TENM3: variants seen among roughly 807,000 people sequenced by gnomAD.
TENM3 encodes the protein teneurin-3.
A neutral mutation model predicts 255.1 loss-of-function variants in TENM3; 63 were observed. The observed-to-expected ratio is 0.25, with a 90% confidence interval of 0.20 to 0.30. The LOEUF is 0.30. TENM3 is among the 10% of genes least tolerant of loss of function. The pLI, the probability that TENM3 is intolerant of heterozygous loss-of-function variation, is 1.00. For synonymous variants in TENM3, 1,306 were observed against 1,322.3 expected, an observed-to-expected ratio of 0.99 and a Z score of 0.27; for missense variants, 2,929 against 3,461.1, an observed-to-expected ratio of 0.85 and a Z score of 3.86.
rs931813841 is a variant in TENM3 at position 182,656,714 on chromosome 4, T to C, written c.1111+2821T>C. ...ATTATTTCACAGCTTCTAAATGTAATACTCTTACTTGTGCAGTCCTATTTT... is the reference window on the plus strand; with the variant it reads ...ATTATTTCACAGCTTCTAAATGTAACACTCTTACTTGTGCAGTCCTATTTT... On this transcript the variant is annotated intron_variant, in intron 6 of 27. Coordinates refer to ENST00000511685, the MANE Select transcript of TENM3 (RefSeq NM_001080477.4). 2.6e-5 allele frequency among the ~76,000 whole-genome samples: 4 copies of C among 152,230 alleles called. No individual in the cohort carries two copies. In the South Asian group the frequency reaches 6.2e-4, roughly 24 times the overall value.
At chr4:181,853,958 A>T in the TENM3 span, among the ~76,000 whole-genome samples, 2 of 152,228 alleles carry the variant, frequency 1.3e-5, no homozygotes, top group African/African-American at 4.8e-5. Context: ...CAAACCTAGC[A>T]GGATTTTTTA....
the TENM3 span, among the ~76,000 whole-genome samples, chr4:181,447,781 C>G: frequency 6.6e-6 from 1 of 152,256 alleles, no homozygotes; most frequent in Middle Eastern, 3.4e-3. Context: ...CGGTGAGTAC[C>G]CATGTGCGGC....
chr4:182,459,422 G>C (rs1310408708), intron 3 of TENM3, among the ~76,000 whole-genome samples: 1 of 151,776 alleles, frequency 6.6e-6, no homozygotes, highest in Non-Finnish European at 1.5e-5. Context: ...GAACCAGAAT[G>C]GTGTCTTTAA....
chr4:182,581,432 C>A (rs139329794), intron 3 of TENM3, among the ~76,000 whole-genome samples: 305 of 152,212 alleles, frequency 2.0e-3, no homozygotes, highest in African/African-American at 7.0e-3. Context: ...CTCTAATAAT[C>A]CCTTAAGAAT....
intron 18 of TENM3, among the ~76,000 whole-genome samples, chr4:182,741,068 C>G (rs550241060): frequency 3.3e-5 from 5 of 152,190 alleles, no homozygotes; most frequent in African/African-American, 1.2e-4. Context: ...CCCAGCTACT[C>G]AGGAGGCTGG....
At chr4:181,811,607 G>A in the TENM3 span, among the ~76,000 whole-genome samples, 114 of 152,324 alleles carry the variant, frequency 7.5e-4, 1 homozygote, top group African/African-American at 2.6e-3. Flanking sequence ...GGCTGGGGAG[G>A]CCTCACAATC....
the TENM3 span, among the ~76,000 whole-genome samples, chr4:181,647,696 G>C: frequency 6.6e-6 from 1 of 152,132 alleles, no homozygotes; most frequent in Non-Finnish European, 1.5e-5. Context: ...TATAGAAACG[G>C]GGGCAAGGGA....
rs147044573 is a variant in TENM3, at chr4:182,773,069, C to T, written c.4893-403C>T. On this transcript the variant is annotated intron_variant, in intron 22 of 27. Transcript: ENST00000511685. The stretch of plus-strand genomic sequence containing the variant: ...TAAACATACTGTACTGTACTGCCAC[C>T]GAGGGAGTAAGTCAGTAAATCTTTA... 5.1e-3 allele frequency among the ~76,000 whole-genome samples: 776 copies of T among 152,104 alleles called. 8 individuals carry two copies. Among genetic ancestry groups the T allele is most frequent in the African/African-American group, 0.018 (743 of 41,498 alleles).
chr4:181,753,560 T>C, the TENM3 span, among the ~76,000 whole-genome samples: 5 of 151,912 alleles, frequency 3.3e-5, no homozygotes, highest in African/African-American at 9.7e-5. Context: ...TTATCTTGAG[T>C]TCGGTATATA....
chr4:182,257,300 A>G (rs928734266), intron 1 of TENM3, among the ~76,000 whole-genome samples: 4 of 152,074 alleles, frequency 2.6e-5, no homozygotes, highest in Non-Finnish European at 5.9e-5. Flanking sequence ...AGATATACAT[A>G]TGTGTGTGTG....
At chr4:182,572,234 C>G (rs1158967515) in intron 3 of TENM3, among the ~76,000 whole-genome samples, 2 of 152,180 alleles carry the variant, frequency 1.3e-5, no homozygotes, top group Admixed American at 1.3e-4. Flanking sequence ...AGACTTTGTA[C>G]TGATTCTTGA....
At chr4:181,770,823 T>C in the TENM3 span, among the ~76,000 whole-genome samples, 1 of 152,214 alleles carries the variant, frequency 6.6e-6, no homozygotes, top group Non-Finnish European at 1.5e-5. Flanking sequence ...ACATGAAAGC[T>C]TGAGATCATT....
At chr4:182,595,017 C>G (rs1372334144) in intron 3 of TENM3, among the ~76,000 whole-genome samples, 1 of 152,156 alleles carries the variant, frequency 6.6e-6, no homozygotes, top group Non-Finnish European at 1.5e-5. Context: ...CACCCAGTCT[C>G]TTCCCTGTTC....
the TENM3 span, among the ~76,000 whole-genome samples, chr4:181,780,353 A>G: frequency 6.6e-6 from 1 of 152,168 alleles, no homozygotes; most frequent in African/African-American, 2.4e-5. Context: ...ATGGTATCTC[A>G]TTGTGGTTTT....
At chr4:182,232,737 GGTATGTGTTCCA>G (rs1756661798) in intron 1 of TENM3, among the ~76,000 whole-genome samples, 2 of 152,060 alleles carry the variant, frequency 1.3e-5, no homozygotes, top group Non-Finnish European at 2.9e-5. Context: ...CTTCTCTGGG[GGTATGTGTTCCA>G]GGACTTCCAG....
the TENM3 span, among the ~76,000 whole-genome samples, chr4:181,508,032 A>G: frequency 6.6e-6 from 1 of 152,230 alleles, no homozygotes; most frequent in African/African-American, 2.4e-5. Flanking sequence ...AATGAAAGGA[A>G]AAGCTTTAAT....
At chr4:182,496,313 C>T (rs1735766367) in intron 3 of TENM3, among the ~76,000 whole-genome samples, 1 of 151,922 alleles carries the variant, frequency 6.6e-6, no homozygotes, top group Non-Finnish European at 1.5e-5. Flanking sequence ...TTTTCCCTAC[C>T]TTCTCCTCAC....
intron 5 of TENM3, among the ~76,000 whole-genome samples, chr4:182,633,277 T>C (rs1751551788): frequency 6.6e-6 from 1 of 152,212 alleles, no homozygotes; most frequent in South Asian, 2.1e-4. Context: ...TGGTACTTAA[T>C]GGTTTTTCAG....
the TENM3 span, among the ~76,000 whole-genome samples, chr4:181,507,332 C>T: frequency 3.8e-4 from 58 of 152,202 alleles, 1 homozygote; most frequent in Non-Finnish European, 1.5e-4. Context: ...GTCTCTTAAA[C>T]AGTAGACAAG....
Sources: allele counts gnomAD v4.1 joint callset (sites outside exome capture counted in the v4.1 genomes callset), GRCh38; gene constraint gnomAD v4.1.1; transcripts MANE v1.5; gene names NCBI Gene and HGNC (gene_info 2026-07-23, HGNC 2026-07-21).